The following HTR7 variants were observed in gnomAD, a reference collection of about 807,000 sequenced individuals.
HTR7 encodes the protein 5-HT-7.
HTR7 carries 16 observed loss-of-function variants against 34.0 expected under a neutral mutation model. The observed-to-expected ratio is 0.47, with a 90% CI of 0.32 to 0.71. HTR7 has a LOEUF of 0.71. Ranked by LOEUF, HTR7 falls within the 30% of genes least tolerant of loss-of-function variation. HTR7 has a pLI of 0.04. For missense variants in HTR7, 504 were observed against 625.5 expected (o/e 0.81, Z 2.07); for synonymous variants, 265 against 260.2 (o/e 1.02, Z -0.18).
intron 1 of HTR7, among the ~76,000 whole-genome samples, chr10:90,753,347 C>G (rs1844772959): frequency 6.6e-6 from 1 of 151,972 alleles, no homozygotes; most frequent in Admixed American, 6.6e-5. Flanking sequence ...GCCTGAGCAA[C>G]ATAGCAAGAC....
intron 1 of HTR7, among the ~76,000 whole-genome samples, chr10:90,823,433 C>T (rs143680969): frequency 6.6e-6 from 1 of 152,328 alleles, no homozygotes; most frequent in Non-Finnish European, 1.5e-5. Context: ...CTGATTTCTC[C>T]CGCTTGGAAT....
chr10:90,842,809 A>T (rs979285029), intron 1 of HTR7, among the ~76,000 whole-genome samples: 1 of 151,900 alleles, frequency 6.6e-6, no homozygotes, highest in African/African-American at 2.4e-5. Flanking sequence ...TAAAAAGCTA[A>T]CTCCTGGATC....
intron 1 of HTR7, among the ~76,000 whole-genome samples, chr10:90,848,399 C>T (rs544645063): frequency 6.6e-6 from 1 of 152,064 alleles, no homozygotes; most frequent in Non-Finnish European, 1.5e-5. Flanking sequence ...TATTTCCTTC[C>T]TTTTCTTTAT....
At chr10:90,827,405 A>C (rs1846095483) in intron 1 of HTR7, among the ~76,000 whole-genome samples, 1 of 152,130 alleles carries the variant, frequency 6.6e-6, no homozygotes, top group African/African-American at 2.4e-5. Context: ...TTAAACCAAA[A>C]ATTAGTCAAA....
At chr10:90,750,700 G>T (rs146251997) in intron 1 of HTR7, among the ~76,000 whole-genome samples, 1,802 of 152,200 alleles carry the variant, frequency 0.012, 29 homozygotes, top group African/African-American at 0.037. Flanking sequence ...CAGTTAGTAG[G>T]TTAGAACTCA....
At chr10:90,855,669 T>C (rs1846568661) in intron 1 of HTR7, among the ~76,000 whole-genome samples, 1 of 152,190 alleles carries the variant, frequency 6.6e-6, no homozygotes, top group African/African-American at 2.4e-5. Context: ...AGACTGTAAA[T>C]ACATATGTTT....
intron 1 of HTR7, among the ~76,000 whole-genome samples, chr10:90,800,007 A>G (rs1318308404): frequency 6.6e-6 from 1 of 152,228 alleles, no homozygotes; most frequent in Non-Finnish European, 1.5e-5. Flanking sequence ...TAAAAAGTGG[A>G]GGTAAACTGT....
intron 1 of HTR7, among the ~76,000 whole-genome samples, chr10:90,758,405 G>C (rs1472514272): frequency 2.0e-5 from 3 of 150,622 alleles, no homozygotes; most frequent in Non-Finnish European, 4.4e-5. Flanking sequence ...CAAATCAATG[G>C]CATGAAGTAA....
chr10:90,782,078 C>T (rs1845313554), intron 1 of HTR7, among the ~76,000 whole-genome samples: 2 of 152,332 alleles, frequency 1.3e-5, no homozygotes, highest in East Asian at 1.9e-4. Flanking sequence ...TGGGACATCA[C>T]AAATACAGGT....
intron 1 of HTR7, among the ~76,000 whole-genome samples, chr10:90,803,215 G>A (rs890906456): frequency 6.6e-6 from 1 of 152,040 alleles, no homozygotes; most frequent in African/African-American, 2.4e-5. Context: ...AGTACACTTG[G>A]AAGAGGGCCA....
At chr10:90,753,108 T>C (rs779426849) in intron 1 of HTR7, among the ~76,000 whole-genome samples, 8 of 152,204 alleles carry the variant, frequency 5.3e-5, no homozygotes, top group South Asian at 4.1e-4. Flanking sequence ...TATCACAATA[T>C]TCACAGATTT....
chr10:90,744,170 C>T (rs1564666528), intron 2 of HTR7, among the ~76,000 whole-genome samples: 3 of 151,184 alleles, frequency 2.0e-5, no homozygotes, highest in Admixed American at 6.6e-5. Flanking sequence ...TGCACGGTGG[C>T]CACAAGATGA....
At chr10:90,795,255 T>C (rs77069552) in intron 1 of HTR7, among the ~76,000 whole-genome samples, 2,466 of 152,292 alleles carry the variant, frequency 0.016, 82 homozygotes, top group African/African-American at 0.055. Context: ...AATAACTGTA[T>C]CAATTTACAA....
At chr10:90,855,101 T>C (rs1846558613) in intron 1 of HTR7, among the ~76,000 whole-genome samples, 1 of 152,260 alleles carries the variant, frequency 6.6e-6, no homozygotes, top group African/African-American at 2.4e-5. Context: ...AGAAATGATA[T>C]GCTGATCTTC....
At chr10:90,806,042 A>G (rs1399957407) in intron 1 of HTR7, among the ~76,000 whole-genome samples, 2 of 152,352 alleles carry the variant, frequency 1.3e-5, no homozygotes, top group Admixed American at 6.5e-5. Context: ...ACTACTAGAT[A>G]TAAGAGAATT....
In HTR7 at chr10:90,857,072, C is replaced by G. The variant is rs981992589; in HGVS notation, c.539+61G>C. 26 of 1,433,240 alleles carry G rather than the reference C, an allele frequency of 1.8e-5. No individual in the cohort carries two copies. Among genetic ancestry groups the G allele is most frequent in the Middle Eastern group, 3.6e-4 (2 of 5,516 alleles). 88.8% of individuals were successfully genotyped at this position (1,433,240 alleles called of 1,614,324 possible). On this transcript the variant is annotated intron_variant, in intron 1 of 3. Coordinates refer to ENST00000336152, the MANE Select transcript of HTR7 (RefSeq NM_019859.4). The surrounding 1 kb of genome is among the most constrained non-coding windows in gnomAD (Gnocchi z 6.5). ...GATCCTCCCAGGAAAGGCGAGCGCGCGGGGCTGAGCTGCCAGCCGGTCCCC... is the reference window on the plus strand; with the variant it reads ...GATCCTCCCAGGAAAGGCGAGCGCGGGGGGCTGAGCTGCCAGCCGGTCCCC...
chr10:90,806,950 G>T (rs868178887), intron 1 of HTR7, among the ~76,000 whole-genome samples: 3 of 152,260 alleles, frequency 2.0e-5, no homozygotes, highest in Middle Eastern at 3.4e-3. Flanking sequence ...TTACCAAGAA[G>T]GTAGCTAATG....
rs1392733086 is a variant in HTR7 at position 90,791,564 on chromosome 10, G to A, written c.540-41970C>T. 2.0e-5 allele frequency among the ~76,000 whole-genome samples: 3 copies of A among 152,110 alleles called. No homozygotes were observed. In the East Asian group the frequency reaches 5.8e-4, roughly 29 times the overall value. On this transcript the variant is annotated intron_variant, in intron 1 of 3. Coordinates refer to ENST00000336152, the MANE Select transcript of HTR7 (RefSeq NM_019859.4). ...AGCATTTTAGTTTGTGTGCATTGAA[G>A]GGGGAAGAGGAGCGGGCAATGGCAA...
chr10:90,760,169 C>T (rs990215698), intron 1 of HTR7, among the ~76,000 whole-genome samples: 10 of 152,166 alleles, frequency 6.6e-5, no homozygotes, highest in Non-Finnish European at 1.3e-4. Context: ...CAATTAAATA[C>T]TATTCAGCCA....
Sources: allele counts gnomAD v4.1 joint callset (sites outside exome capture counted in the v4.1 genomes callset), GRCh38; gene constraint gnomAD v4.1.1; non-coding constraint Gnocchi (gnomAD v3.1); transcripts MANE v1.5; gene names NCBI Gene and HGNC (gene_info 2026-07-23, HGNC 2026-07-21).